Variants in ASIC2 observed in about 807,000 individuals in gnomAD.
ASIC2 encodes the protein acid sensing ion channel subunit 2.
A neutral mutation model predicts 57.3 loss-of-function variants in ASIC2; 25 were observed. That is an observed-to-expected ratio of 0.44 (90% CI 0.32 to 0.61). The LOEUF is 0.61. ASIC2 is among the 20% of genes least tolerant of loss of function. The probability of loss-of-function intolerance (pLI) is 0.06; values close to 1 mark genes in which losing one functional copy is unlikely to be tolerated. For missense variants in ASIC2, 641 were observed against 738.1 expected (o/e 0.87, Z 1.52); for synonymous variants, 319 against 307.5 (o/e 1.04, Z -0.39).
chr17:33,070,841 T>A (rs114793652), intron 3 of ASIC2, among the ~76,000 whole-genome samples: 2,542 of 150,946 alleles, frequency 0.017, 63 homozygotes, highest in Middle Eastern at 0.061. Context: ...AGAAGACTTA[T>A]TTTGCTTAAT....
chr17:33,605,797 C>T (rs1905217757), intron 1 of ASIC2, among the ~76,000 whole-genome samples: 2 of 152,236 alleles, frequency 1.3e-5, no homozygotes, highest in Non-Finnish European at 2.9e-5. Context: ...CCCCCAGCCT[C>T]AGCCCAAACT....
intron 1 of ASIC2, among the ~76,000 whole-genome samples, chr17:33,538,854 A>G (rs1180601704): frequency 2.0e-5 from 3 of 152,206 alleles, no homozygotes; most frequent in Non-Finnish European, 4.4e-5. Context: ...GAAATAGAAC[A>G]GTGAAATTTG....
intron 1 of ASIC2, among the ~76,000 whole-genome samples, chr17:33,973,776 C>G (rs190338423): frequency 4.7e-5 from 7 of 149,158 alleles, no homozygotes; most frequent in Non-Finnish European, 1.0e-4. Flanking sequence ...AGATTGCAAA[C>G]AGGTTCTCCT....
At chr17:33,646,581 A>G (rs1221567634) in intron 1 of ASIC2, among the ~76,000 whole-genome samples, 1 of 152,216 alleles carries the variant, frequency 6.6e-6, no homozygotes, top group Non-Finnish European at 1.5e-5. Flanking sequence ...TGTATTTTGT[A>G]TAGAACAGAC....
intron 1 of ASIC2, among the ~76,000 whole-genome samples, chr17:33,884,163 C>G (rs1448756298): frequency 6.6e-6 from 1 of 152,228 alleles, no homozygotes; most frequent in East Asian, 1.9e-4. Flanking sequence ...GGCTCTCTTG[C>G]TCTTTGGCTG....
chr17:33,511,479 C>T (rs1914429618), intron 1 of ASIC2, among the ~76,000 whole-genome samples: 2 of 152,114 alleles, frequency 1.3e-5, no homozygotes, highest in African/African-American at 4.8e-5. Context: ...TGGGCACCAC[C>T]CAGTTGCCCT....
chr17:33,849,553 T>TG (rs956383381), intron 1 of ASIC2, among the ~76,000 whole-genome samples: 1 of 152,086 alleles, frequency 6.6e-6, no homozygotes, highest in East Asian at 1.9e-4. Flanking sequence ...CAGGGATGGC[T>TG]GGGGGTCACC....
chr17:33,392,406 G>T (rs1818290763), intron 1 of ASIC2, among the ~76,000 whole-genome samples: 1 of 151,908 alleles, frequency 6.6e-6, no homozygotes. Flanking sequence ...AAGGACTACA[G>T]GTGCCCACCA....
intron 1 of ASIC2, among the ~76,000 whole-genome samples, chr17:33,797,596 G>A (rs977419024): frequency 6.6e-6 from 1 of 152,192 alleles, no homozygotes; most frequent in Non-Finnish European, 1.5e-5. Flanking sequence ...GCTTGGCTCT[G>A]TGTACAGCAT....
At chr17:33,564,779 T>C (rs1481963151) in intron 1 of ASIC2, among the ~76,000 whole-genome samples, 1 of 152,038 alleles carries the variant, frequency 6.6e-6, no homozygotes, top group South Asian at 2.1e-4. Context: ...TGTGGGTTTA[T>C]GGGAATGGGG....
intron 1 of ASIC2, among the ~76,000 whole-genome samples, chr17:33,784,385 C>T (rs1157749010): frequency 2.0e-5 from 3 of 152,144 alleles, no homozygotes; most frequent in Admixed American, 6.5e-5. Context: ...AATCTCCCTA[C>T]CCCTCCTCCC....
chr17:33,750,849 G>A (rs985772982), intron 1 of ASIC2, among the ~76,000 whole-genome samples: 3 of 152,150 alleles, frequency 2.0e-5, no homozygotes, highest in Non-Finnish European at 4.4e-5. Flanking sequence ...ATGGGGAGAA[G>A]GGGGTGATTC....
At chr17:33,125,774 C>T (rs1007636571) in intron 1 of ASIC2, among the ~76,000 whole-genome samples, 2 of 152,174 alleles carry the variant, frequency 1.3e-5, no homozygotes, top group South Asian at 2.1e-4. Flanking sequence ...TTGTTCTTGT[C>T]GAGCTGTGGG....
intron 1 of ASIC2, among the ~76,000 whole-genome samples, chr17:33,526,372 C>T (rs1361025611): frequency 6.6e-6 from 1 of 152,138 alleles, no homozygotes; most frequent in Non-Finnish European, 1.5e-5. Flanking sequence ...ATGTCTCCCT[C>T]ACTCTGATCA....
At chr17:33,527,861 T>C (rs1914930840) in intron 1 of ASIC2, among the ~76,000 whole-genome samples, 1 of 152,114 alleles carries the variant, frequency 6.6e-6, no homozygotes, top group African/African-American at 2.4e-5. Context: ...ACTGTCCCAA[T>C]CCAGGCCTCT....
chr17:34,099,733 G>A (rs9303673), intron 1 of ASIC2, among the ~76,000 whole-genome samples: 3 of 126,370 alleles, frequency 2.4e-5, no homozygotes, highest in South Asian at 2.7e-4. Context: ...AAGGAAAGAA[G>A]GAAAGAAAGA....
intron 1 of ASIC2, among the ~76,000 whole-genome samples, chr17:33,424,795 A>G: frequency 6.6e-6 from 1 of 150,626 alleles, no homozygotes. Context: ...TTCACCTTCT[A>G]CCCCCACAGC....
At chr17:33,112,192 C>T in intron 1 of ASIC2, 125 bp from the exon 2 acceptor site, 6 of 1,208,886 alleles carry the variant, frequency 5.0e-6, no homozygotes, top group Non-Finnish European at 6.7e-6. Flanking sequence ...ACCATCACCG[C>T]TCTCAGGAAC....
chr17:33,314,332 A>C (rs532197052), intron 1 of ASIC2, among the ~76,000 whole-genome samples: 31 of 152,172 alleles, frequency 2.0e-4, no homozygotes, highest in Non-Finnish European at 3.4e-4. Flanking sequence ...GGGACTCCCT[A>C]AGTGCTATTA....
Sources: gnomAD v4.1 joint callset for allele counts (sites outside exome capture counted in the v4.1 genomes callset) on GRCh38, gnomAD v4.1.1 for gene constraint, MANE v1.5 for transcripts, NCBI Gene and HGNC (gene_info 2026-07-23, HGNC 2026-07-21) for gene names.